The following MACROD2 variants were observed in gnomAD, a reference collection of about 807,000 sequenced individuals.
The protein encoded by MACROD2 is ADP-ribose glycohydrolase MACROD2.
MACROD2 carries 36 observed loss-of-function variants against 70.4 expected under a neutral mutation model. The ratio of observed to expected loss-of-function variants is 0.51; its 90% CI spans 0.39 to 0.68. The LOEUF (loss-of-function observed/expected upper bound fraction) is 0.68, where lower values mean the gene tolerates loss of function less well. Ranked by LOEUF, MACROD2 falls within the 30% of genes least tolerant of loss-of-function variation. The pLI is 0.00. For missense variants in MACROD2, 496 were observed against 538.4 expected, an observed-to-expected ratio of 0.92 and a Z score of 0.78; for synonymous variants, 172 against 178.8, an observed-to-expected ratio of 0.96 and a Z score of 0.30.
intron 8 of MACROD2, among the ~76,000 whole-genome samples, chr20:15,803,593 A>C (rs1175332106): frequency 6.6e-6 from 1 of 151,528 alleles, no homozygotes; most frequent in African/African-American, 2.4e-5. Context: ...CCTACATAAC[A>C]TTTAATAATT....
intron 15 of MACROD2, among the ~76,000 whole-genome samples, chr20:15,993,850 A>G (rs778789421): frequency 1.3e-5 from 2 of 152,186 alleles, no homozygotes; most frequent in African/African-American, 2.4e-5. Context: ...CAAGTTTTCT[A>G]CATGTTACCT....
At chr20:15,440,549 ATT>A (rs1314678312) in intron 7 of MACROD2, among the ~76,000 whole-genome samples, 1 of 152,188 alleles carries the variant, frequency 6.6e-6, no homozygotes, top group Admixed American at 6.5e-5. Flanking sequence ...CTTGGCAAAT[ATT>A]TTTATCAGTA....
intron 3 of MACROD2, among the ~76,000 whole-genome samples, chr20:14,290,564 C>T (rs1267078093): frequency 6.7e-6 from 1 of 148,752 alleles, no homozygotes; most frequent in Non-Finnish European, 1.5e-5. Context: ...GGCTGGAGTG[C>T]AATGGCACAA....
At chr20:15,696,426 T>A (rs149238407) in intron 8 of MACROD2, among the ~76,000 whole-genome samples, 238 of 152,350 alleles carry the variant, frequency 1.6e-3, no homozygotes, top group Non-Finnish European at 2.9e-3. Context: ...CCCTTTCAGA[T>A]GCTGTTGGAT....
At chr20:14,448,527 A>G (rs1051678461) in intron 3 of MACROD2, among the ~76,000 whole-genome samples, 1 of 151,912 alleles carries the variant, frequency 6.6e-6, no homozygotes, top group African/African-American at 2.4e-5. Context: ...AAATACAAAA[A>G]TTAGCCAGGC....
At chr20:15,876,115 G>GTGTA (rs1568611948) in intron 9 of MACROD2, among the ~76,000 whole-genome samples, 3 of 139,038 alleles carry the variant, frequency 2.2e-5, no homozygotes, top group Non-Finnish European at 3.0e-5. Flanking sequence ...ATATATATGT[G>GTGTA]TGTATTTTTT....
intron 10 of MACROD2, among the ~76,000 whole-genome samples, chr20:15,922,119 C>T (rs2147292264): frequency 6.6e-6 from 1 of 152,328 alleles, no homozygotes; most frequent in Admixed American, 6.5e-5. Flanking sequence ...GCCTCTGGTG[C>T]ATGCAGAAAT....
chr20:14,053,388 T>C (rs141416894), intron 2 of MACROD2: 5 of 152,128 alleles, frequency 3.3e-5, no homozygotes, highest in African/African-American at 7.2e-5. Context: ...CTGGTCTTCT[T>C]TTAATGTGGA....
chr20:14,734,586 T>C lies in MACROD2; in HGVS notation c.418+49627T>C, dbSNP rs189051562. Among the ~76,000 whole-genome samples, 289 of 150,380 alleles carry C rather than the reference T, an allele frequency of 1.9e-3. 2 individuals carry two copies. Among genetic ancestry groups the C allele is most frequent in the Non-Finnish European group, 1.7e-3 (117 of 67,630 alleles). ...CCAATAACAGGAAGGTACTAACAAC[T>C]ACCAGAGCCTTGTTATGTCTTCATC... On this transcript the variant is annotated intron_variant, in intron 5 of 17. Coordinates refer to ENST00000684519, the MANE Select transcript of MACROD2 (RefSeq NM_001351661.2).
At chr20:14,133,038 A>T (rs1473054738) in intron 3 of MACROD2, among the ~76,000 whole-genome samples, 1 of 152,102 alleles carries the variant, frequency 6.6e-6, no homozygotes, top group Non-Finnish European at 1.5e-5. Flanking sequence ...GGCTCACATG[A>T]TCACATGATT....
At chr20:14,396,097 A>G (rs951742461) in intron 3 of MACROD2, among the ~76,000 whole-genome samples, 7 of 152,194 alleles carry the variant, frequency 4.6e-5, no homozygotes, top group African/African-American at 1.4e-4. Flanking sequence ...CAATATACTT[A>G]GTATGACTTA....
At chr20:14,820,105 A>T (rs986659261) in intron 5 of MACROD2, among the ~76,000 whole-genome samples, 1 of 152,038 alleles carries the variant, frequency 6.6e-6, no homozygotes, top group African/African-American at 2.4e-5. Context: ...GGAAGAGAAG[A>T]CTTGGGAGAG....
At chr20:14,261,524 G>A (rs2082100672) in intron 3 of MACROD2, among the ~76,000 whole-genome samples, 1 of 152,030 alleles carries the variant, frequency 6.6e-6, no homozygotes. Context: ...CACTACATCT[G>A]TTATCTACAC....
intron 5 of MACROD2, among the ~76,000 whole-genome samples, chr20:14,754,317 A>G (rs1036699868): frequency 1.3e-5 from 2 of 152,098 alleles, no homozygotes; most frequent in Admixed American, 6.5e-5. Context: ...TCATGTCCTG[A>G]GCTTTTTCTA....
intron 15 of MACROD2, among the ~76,000 whole-genome samples, chr20:15,991,684 A>G (rs1341677428): frequency 6.6e-6 from 1 of 152,202 alleles, no homozygotes; most frequent in Non-Finnish European, 1.5e-5. Flanking sequence ...TCTCTTTTCA[A>G]ATGAAGTCAA....
chr20:15,493,288 A>G (rs1403588598), intron 7 of MACROD2, among the ~76,000 whole-genome samples: 1 of 152,192 alleles, frequency 6.6e-6, no homozygotes, highest in Non-Finnish European at 1.5e-5. Flanking sequence ...TGAATGGTGC[A>G]TGGGGTTAAG....
chr20:15,388,080 C>A (rs2045743953), intron 6 of MACROD2, among the ~76,000 whole-genome samples: 1 of 151,962 alleles, frequency 6.6e-6, no homozygotes, highest in Non-Finnish European at 1.5e-5. Flanking sequence ...CTAGGGTGAT[C>A]TGAAAGGACT....
intron 8 of MACROD2, among the ~76,000 whole-genome samples, chr20:15,593,531 G>A (rs1254228171): frequency 1.3e-5 from 2 of 152,130 alleles, no homozygotes; most frequent in Non-Finnish European, 2.9e-5. Flanking sequence ...ACTTGCAATA[G>A]TCCCCGTGTT....
intron 8 of MACROD2, among the ~76,000 whole-genome samples, chr20:15,817,554 TTCTGACATACCATTGTTCACCA>T (rs2063890475): frequency 6.6e-6 from 1 of 152,214 alleles, no homozygotes; most frequent in South Asian, 2.1e-4. Context: ...CAAGCCTCAT[TTCTGACATACCATTGTTCACCA>T]TGCCCGATAT....
Sources: gnomAD v4.1 joint callset for allele counts (sites outside exome capture counted in the v4.1 genomes callset) on GRCh38, gnomAD v4.1.1 for gene constraint, MANE v1.5 for transcripts, NCBI Gene and HGNC (gene_info 2026-07-23, HGNC 2026-07-21) for gene names.